LIPI: variants seen among roughly 807,000 people sequenced by gnomAD.
LIPI encodes lipase I.
LIPI carries 59 observed loss-of-function variants against 50.6 expected under a neutral mutation model. The observed-to-expected ratio is 1.16, with a 90% CI of 0.94 to 1.45. The LOEUF (loss-of-function observed/expected upper bound fraction) is 1.45. LIPI is among the 40% of genes most tolerant of loss of function. The probability of loss-of-function intolerance (pLI) is 0.00; values close to 1 mark genes in which losing one functional copy is unlikely to be tolerated. For missense variants in LIPI, 586 were observed against 536.3 expected, an observed-to-expected ratio of 1.09 and a Z score of -0.92; for synonymous variants, 203 against 178.2, an observed-to-expected ratio of 1.14 and a Z score of -1.11.
chr21:14,191,237 C>G (rs2019661622), intron 1 of LIPI, among the ~76,000 whole-genome samples: 1 of 151,460 alleles, frequency 6.6e-6, no homozygotes, highest in South Asian at 2.1e-4. Context: ...AATAGCCGGG[C>G]GTAGTGGCGG....
intron 4 of LIPI, among the ~76,000 whole-genome samples, chr21:14,172,429 C>T (rs1600895956): frequency 6.6e-6 from 1 of 152,058 alleles, no homozygotes; most frequent in African/African-American, 2.4e-5. Flanking sequence ...ATGTTTATTG[C>T]AGCACTATTC....
At chr21:14,164,520 C>T (rs1298079004) in intron 6 of LIPI, among the ~76,000 whole-genome samples, 2 of 152,160 alleles carry the variant, frequency 1.3e-5, no homozygotes, top group South Asian at 4.1e-4. Context: ...ATTCCTCGAA[C>T]CCCTTTGGCT....
intron 3 of LIPI, among the ~76,000 whole-genome samples, chr21:14,182,442 C>G (rs74349489): frequency 0.022 from 3,289 of 152,176 alleles, 126 homozygotes; most frequent in African/African-American, 0.075. Flanking sequence ...AAATGCTAGG[C>G]TCATGACTTT....
chr21:14,143,420 A>C (rs1183930102), intron 9 of LIPI: 1 of 152,166 alleles, frequency 6.6e-6, no homozygotes, highest in African/African-American at 2.4e-5. Context: ...AAAAGTTATA[A>C]AATGACTTCC....
At chr21:14,135,554 A>G (rs2017464069) in intron 9 of LIPI, among the ~76,000 whole-genome samples, 1 of 152,178 alleles carries the variant, frequency 6.6e-6, no homozygotes, top group African/African-American at 2.4e-5. Context: ...CTGTTAGAGC[A>G]AAAGGAAAAA....
At chr21:14,152,068 TTATTTTATTTATTTATTTA>T (rs1568851909) in intron 8 of LIPI, among the ~76,000 whole-genome samples, 2 of 144,970 alleles carry the variant, frequency 1.4e-5, no homozygotes, top group Non-Finnish European at 3.0e-5. Flanking sequence ...ACTCTTTAAC[TTATTTTATTTATTTATTTA>T]TTTATTTATT....
At chr21:14,161,542 C>A (rs1299095413) in intron 7 of LIPI, among the ~76,000 whole-genome samples, 2 of 118,538 alleles carry the variant, frequency 1.7e-5, no homozygotes, top group East Asian at 2.2e-4. Context: ...ATATCCATAT[C>A]TATTATATAT....
At chr21:14,125,327 T>G (rs1247750149) in intron 9 of LIPI, among the ~76,000 whole-genome samples, 1 of 152,176 alleles carries the variant, frequency 6.6e-6, no homozygotes, top group African/African-American at 2.4e-5. Context: ...ATCTTCTATG[T>G]GAAGTGGTAA....
chr21:14,199,670 T>A (rs748893429), intron 1 of LIPI, among the ~76,000 whole-genome samples: 2 of 149,800 alleles, frequency 1.3e-5, no homozygotes, highest in African/African-American at 4.9e-5. Flanking sequence ...CTACTAGATA[T>A]AAAAGAAGAG....
intron 1 of LIPI, among the ~76,000 whole-genome samples, chr21:14,209,353 T>C (rs1487901039): frequency 1.3e-5 from 2 of 152,172 alleles, no homozygotes; most frequent in Non-Finnish European, 2.9e-5. Flanking sequence ...CCATGAAACA[T>C]GCCCTCCTTG....
rs193171558 is a variant in LIPI at position 14,200,517 on chromosome 21, G to C, written c.46+10283C>G. 5.9e-5 allele frequency among the ~76,000 whole-genome samples: 9 copies of C among 152,046 alleles called. No homozygotes were observed. The South Asian group carries it at 1.9e-3, about 32-fold the overall frequency. Reference sequence around the variant, plus strand: ...CTCTCATTCACAATTGCCACAAAAAGAATAAAATACCTAGGAATACATCTA... The same window carrying C: ...CTCTCATTCACAATTGCCACAAAAACAATAAAATACCTAGGAATACATCTA... On this transcript the variant is annotated intron_variant, in intron 1 of 9. Coordinates refer to ENST00000681601, the MANE Select transcript of LIPI (RefSeq NM_001302998.2).
At chr21:14,154,839 C>T (rs540336324) in intron 7 of LIPI, among the ~76,000 whole-genome samples, 1 of 152,042 alleles carries the variant, frequency 6.6e-6, no homozygotes, top group South Asian at 2.1e-4. Flanking sequence ...GAACTGCCCG[C>T]TAAAATAAAA....
chr21:14,171,317 T>C (rs2018896789), intron 4 of LIPI, among the ~76,000 whole-genome samples: 1 of 143,984 alleles, frequency 6.9e-6, no homozygotes, highest in Non-Finnish European at 1.5e-5. Context: ...TTCAATGCCA[T>C]CCCCATCAAG....
intron 3 of LIPI, among the ~76,000 whole-genome samples, chr21:14,183,330 T>C (rs1416139784): frequency 2.6e-5 from 4 of 152,186 alleles, no homozygotes; most frequent in Non-Finnish European, 4.4e-5. Context: ...TAATTCAAGA[T>C]GGATTAAAGA....
chr21:14,134,402 T>C (rs2017415095), intron 9 of LIPI, among the ~76,000 whole-genome samples: 1 of 152,152 alleles, frequency 6.6e-6, no homozygotes, highest in African/African-American at 2.4e-5. Context: ...ACAATTTCTA[T>C]TGGATTACCA....
rs753748723 is a variant in LIPI, at chr21:14,158,638, TAGAG to T, written c.1006+4777_1006+4780del. ...ATATGTGTGTGTAGAAATATATATA[TAGAG>T]AGAGAACAAAGCAGAAATTAATGAA... On this transcript the variant is annotated intron_variant, in intron 7 of 9. Coordinates refer to ENST00000681601, the MANE Select transcript of LIPI (RefSeq NM_001302998.2). 5.7e-4 allele frequency among the ~76,000 whole-genome samples: 85 copies of T among 148,064 alleles called. 2 individuals carry two copies. In the South Asian group the frequency reaches 0.015, roughly 26 times the overall value.
At chr21:14,130,353 G>A (rs371933044) in intron 9 of LIPI, among the ~76,000 whole-genome samples, 2 of 152,156 alleles carry the variant, frequency 1.3e-5, no homozygotes, top group African/African-American at 4.8e-5. Flanking sequence ...GAGAGAGAGA[G>A]AGACAAAAGT....
chr21:14,110,466 ATAGT>A (rs1203416268), intron 9 of LIPI, among the ~76,000 whole-genome samples: 2 of 152,028 alleles, frequency 1.3e-5, no homozygotes, highest in African/African-American at 4.8e-5. Flanking sequence ...ATTACCTCAT[ATAGT>A]TATTTTGCAA....
intron 1 of LIPI, among the ~76,000 whole-genome samples, chr21:14,198,068 G>T (rs1431644210): frequency 6.6e-6 from 1 of 152,150 alleles, no homozygotes. Flanking sequence ...ACAAGCAAAG[G>T]CTGAGGGAAT....
Sources: gnomAD v4.1 joint callset for allele counts (sites outside exome capture counted in the v4.1 genomes callset) on GRCh38, gnomAD v4.1.1 for gene constraint, MANE v1.5 for transcripts, NCBI Gene and HGNC (gene_info 2026-07-23, HGNC 2026-07-21) for gene names.